The following NAV2 variants were observed in gnomAD, a reference collection of about 807,000 sequenced individuals.
NAV2 encodes the protein neuron navigator 2.
In NAV2, 54 loss-of-function variants were observed where a neutral mutation model predicts 223.2. The ratio of observed to expected loss-of-function variants is 0.24; its 90% CI spans 0.19 to 0.30. NAV2 has a LOEUF of 0.30. Among genes scored for constraint, NAV2 ranks in the 10% least tolerant of loss-of-function variants. The pLI, the probability that NAV2 is intolerant of heterozygous loss-of-function variation, is 1.00. For missense variants in NAV2, 2,806 were observed against 3,147.5 expected (o/e 0.89, Z 2.60); for synonymous variants, 1,279 against 1,239.3 (o/e 1.03, Z -0.67).
intron 1 of NAV2, among the ~76,000 whole-genome samples, chr11:19,703,501 A>G (rs2049570774): frequency 6.6e-6 from 1 of 152,218 alleles, no homozygotes; most frequent in Admixed American, 6.5e-5. Context: ...AGCAACCGGT[A>G]GAGTAACGAG....
At chr11:19,763,474 C>T (rs1032225540) in intron 1 of NAV2, among the ~76,000 whole-genome samples, 1 of 151,136 alleles carries the variant, frequency 6.6e-6, no homozygotes, top group East Asian at 2.0e-4. Flanking sequence ...GAGTCAGGGC[C>T]AAGGGTGAGA....
intron 1 of NAV2, among the ~76,000 whole-genome samples, chr11:19,772,481 G>A (rs2055791454): frequency 6.6e-6 from 1 of 152,160 alleles, no homozygotes; most frequent in African/African-American, 2.4e-5. Context: ...TGCTGTGAAA[G>A]GTGTCCAGTA....
intron 26 of NAV2, among the ~76,000 whole-genome samples, chr11:20,087,898 G>T (rs966192395): frequency 3.0e-4 from 45 of 152,048 alleles, no homozygotes; most frequent in African/African-American, 1.1e-3. Flanking sequence ...CAAAGGAAAT[G>T]GAATAATATA....
At chr11:20,064,327 G>A (rs1457396577) in intron 20 of NAV2, among the ~76,000 whole-genome samples, 2 of 152,192 alleles carry the variant, frequency 1.3e-5, no homozygotes, top group African/African-American at 4.8e-5. Flanking sequence ...AGGAGAGAAA[G>A]GAGCCTGCTA....
chr11:19,901,461 C>T (rs1447884052), intron 6 of NAV2, among the ~76,000 whole-genome samples: 3 of 152,124 alleles, frequency 2.0e-5, no homozygotes, highest in South Asian at 2.1e-4. Flanking sequence ...GCAGGAGAAT[C>T]GCTTGAACCT....
At chr11:20,041,625 G>A (rs143877396) in intron 12 of NAV2, among the ~76,000 whole-genome samples, 77 of 152,312 alleles carry the variant, frequency 5.1e-4, no homozygotes, top group Middle Eastern at 3.4e-3. Context: ...GTACTTGAAT[G>A]TAAGCTCCAT....
At chr11:19,424,300 T>C (rs1342095919) in intron 1 of NAV2, among the ~76,000 whole-genome samples, 1 of 152,214 alleles carries the variant, frequency 6.6e-6, no homozygotes, top group Non-Finnish European at 1.5e-5. Context: ...ACTAGTTCTC[T>C]AAGTATTATT....
intron 11 of NAV2, among the ~76,000 whole-genome samples, chr11:20,035,060 G>T (rs1311567522): frequency 6.6e-6 from 1 of 152,142 alleles, no homozygotes; most frequent in Non-Finnish European, 1.5e-5. Context: ...CAACTCAAGG[G>T]TATTAAGCAG....
intron 1 of NAV2, among the ~76,000 whole-genome samples, chr11:19,792,695 G>A (rs1011300276): frequency 3.9e-5 from 6 of 152,036 alleles, no homozygotes; most frequent in Non-Finnish European, 7.4e-5. Flanking sequence ...TGAAACTTCC[G>A]GCTTCATTAA....
In NAV2 at chr11:19,695,107, T is replaced by G. The variant is rs141515051; in HGVS notation, c.76-137377T>G. On this transcript the variant is annotated intron_variant, in intron 1 of 37. Transcript: ENST00000360655. ...ACACACTGGCATCAGAACACCTGAT[T>G]AGGGGATCACCTCCCACTGCTGCCT... Among the ~76,000 whole-genome samples the G allele has an allele frequency of 1.4e-4, 21 of 152,304 alleles. No homozygotes were observed. In the East Asian group the frequency reaches 4.1e-3, roughly 29 times the overall value.
At chr11:19,412,412 G>A (rs996689808) in intron 1 of NAV2, among the ~76,000 whole-genome samples, 26 of 152,290 alleles carry the variant, frequency 1.7e-4, no homozygotes, top group African/African-American at 6.0e-4. Context: ...AAGAAAGGCA[G>A]CAACCCCAGT....
intron 1 of NAV2, among the ~76,000 whole-genome samples, chr11:19,823,829 A>T (rs2059514928): frequency 6.6e-6 from 1 of 152,180 alleles, no homozygotes; most frequent in Non-Finnish European, 1.5e-5. Flanking sequence ...TGACGGGTTG[A>T]TGGGTGCAGC....
At chr11:19,539,645 A>G (rs1225765310) in intron 1 of NAV2, among the ~76,000 whole-genome samples, 1 of 152,180 alleles carries the variant, frequency 6.6e-6, no homozygotes, top group African/African-American at 2.4e-5. Context: ...GGGAGCAAAA[A>G]GATTGAAGGC....
At chr11:20,028,873 C>A (rs551088514) in intron 11 of NAV2, among the ~76,000 whole-genome samples, 1 of 152,152 alleles carries the variant, frequency 6.6e-6, no homozygotes, top group Non-Finnish European at 1.5e-5. Flanking sequence ...TGAGTTGTAA[C>A]GCCTCTATAC....
At chr11:19,899,643 G>A (rs1309121072) in intron 6 of NAV2, among the ~76,000 whole-genome samples, 2 of 152,316 alleles carry the variant, frequency 1.3e-5, no homozygotes, top group East Asian at 3.9e-4. Flanking sequence ...GAGGAATGAT[G>A]CTCACGTGTT....
At chr11:20,112,884 T>A (rs1405768784) in intron 36 of NAV2, among the ~76,000 whole-genome samples, 1 of 152,194 alleles carries the variant, frequency 6.6e-6, no homozygotes, top group Non-Finnish European at 1.5e-5. Context: ...AGAGCTCAGC[T>A]TCACACTGTT....
At chr11:19,509,888 T>G (rs1333043840) in intron 1 of NAV2, among the ~76,000 whole-genome samples, 1 of 152,192 alleles carries the variant, frequency 6.6e-6, no homozygotes, top group Non-Finnish European at 1.5e-5. Flanking sequence ...TGAGCTGGGT[T>G]TAGCAGGCAG....
intron 1 of NAV2, among the ~76,000 whole-genome samples, chr11:19,830,667 T>C (rs1038736515): frequency 1.3e-5 from 2 of 152,228 alleles, no homozygotes; most frequent in African/African-American, 4.8e-5. Flanking sequence ...GCATACGTCA[T>C]TAAACAAAAC....
At chr11:19,895,129 A>G (rs1243442127) in intron 6 of NAV2, among the ~76,000 whole-genome samples, 1 of 26,116 alleles carries the variant, frequency 3.8e-5, no homozygotes, top group Non-Finnish European at 9.6e-5. Flanking sequence ...TTTTTTTTTG[A>G]GACAGAGTGT....
Sources: gnomAD v4.1 joint callset for allele counts (sites outside exome capture counted in the v4.1 genomes callset) on GRCh38, gnomAD v4.1.1 for gene constraint, MANE v1.5 for transcripts, NCBI Gene and HGNC (gene_info 2026-07-23, HGNC 2026-07-21) for gene names.